Variants in PPM1B observed in about 807,000 individuals in gnomAD.
PPM1B encodes the protein protein phosphatase 1B.
PPM1B carries 22 observed loss-of-function variants against 43.0 expected under a neutral mutation model. The observed-to-expected ratio is 0.51, with a 90% confidence interval of 0.37 to 0.73. The LOEUF (loss-of-function observed/expected upper bound fraction) is 0.73. Ranked by LOEUF, PPM1B falls within the 30% of genes least tolerant of loss-of-function variation. The pLI is 0.00. For missense variants in PPM1B, 632 were observed against 584.2 expected (o/e 1.08, Z -0.84); for synonymous variants, 217 against 197.9 (o/e 1.10, Z -0.81).
chr2:44,174,860 G>T (rs1667507569), intron 1 of PPM1B, among the ~76,000 whole-genome samples: 1 of 152,160 alleles, frequency 6.6e-6, no homozygotes, highest in Non-Finnish European at 1.5e-5. Flanking sequence ...AACCTATTTG[G>T]GCAGTGTTTT....
chr2:44,240,077 A>G (rs1239714847), intron 5 of PPM1B, among the ~76,000 whole-genome samples: 1 of 145,404 alleles, frequency 6.9e-6, no homozygotes, highest in Non-Finnish European at 1.5e-5. Context: ...GTGGCACCAT[A>G]GCGCACTGCA....
At chr2:44,246,834 G>T (rs10460534), downstream of PPM1B, among the ~76,000 whole-genome samples, 25,408 of 151,966 alleles carry the variant, frequency 0.17, 2,249 homozygotes, top group East Asian at 0.26. Flanking sequence ...CTGATTTCTT[G>T]GTTTTGTTTT....
downstream of PPM1B, among the ~76,000 whole-genome samples, chr2:44,235,107 G>C (rs72800990): frequency 6.4e-4 from 98 of 152,278 alleles, no homozygotes; most frequent in Middle Eastern, 6.8e-3. Flanking sequence ...TTGAAGATTG[G>C]TTGCAATGTG....
chr2:44,231,627 A>G (rs183000797), downstream of PPM1B, among the ~76,000 whole-genome samples: 497 of 152,254 alleles, frequency 3.3e-3, no homozygotes, highest in African/African-American at 0.012. Flanking sequence ...GTTTAATATT[A>G]AAATATATGT....
intron 5 of PPM1B, among the ~76,000 whole-genome samples, chr2:44,229,323 G>A (rs1017649045): frequency 6.6e-6 from 1 of 151,798 alleles, no homozygotes; most frequent in Non-Finnish European, 1.5e-5. Context: ...GTATAATATT[G>A]AATATCAAGT....
At chr2:44,216,654 G>A (rs943043256) in intron 3 of PPM1B, among the ~76,000 whole-genome samples, 22 of 152,194 alleles carry the variant, frequency 1.4e-4, no homozygotes, top group East Asian at 3.8e-4. Flanking sequence ...ATAGCTGGGC[G>A]TGGTGGCTCA....
chr2:44,213,569 C>T (rs1050260932), intron 3 of PPM1B: 11 of 152,198 alleles, frequency 7.2e-5, no homozygotes, highest in African/African-American at 2.6e-4. Flanking sequence ...GAGTCTTTTG[C>T]AAATTTGGAG....
At chr2:44,215,571 A>G (rs1212327559) in intron 3 of PPM1B, among the ~76,000 whole-genome samples, 1 of 152,208 alleles carries the variant, frequency 6.6e-6, no homozygotes, top group Non-Finnish European at 1.5e-5. Context: ...TGGTAAATAC[A>G]TTCTGGTGTA....
chr2:44,193,732 C>T (rs374038337), intron 1 of PPM1B, among the ~76,000 whole-genome samples: 25 of 152,148 alleles, frequency 1.6e-4, no homozygotes, highest in African/African-American at 5.8e-4. Context: ...GCACGTGCCA[C>T]CATGCCCGGC....
chr2:44,222,652 C>G (rs897024007), intron 5 of PPM1B, among the ~76,000 whole-genome samples: 2 of 152,086 alleles, frequency 1.3e-5, no homozygotes, highest in African/African-American at 4.8e-5. Context: ...GCACAGGTCA[C>G]AAAGCTAAAT....
At chr2:44,226,581 T>C in intron 5 of PPM1B, among the ~76,000 whole-genome samples, 1 of 152,188 alleles carries the variant, frequency 6.6e-6, no homozygotes, top group Non-Finnish European at 1.5e-5. Context: ...CTGTGTATTT[T>C]GAAATGGAAC....
rs762270626 is a variant in PPM1B, at chr2:44,201,606, G to T, written c.407G>T (p.Gly136Val). ...GACAGGAGTGGTTCAACTGCAGTGG[G>T]AGTTATGATTTCACCTAAGCATATC... ...GMDRSGSTAV[G>V]VMISPKHIYF... The change falls in exon 2 of 6, where the codon GGA (glycine) becomes GTA (valine). Residue 136 changes from glycine (G) to valine (V), a missense_variant. Coordinates refer to ENST00000282412, the MANE Select transcript of PPM1B (RefSeq NM_002706.6). This position sits in a 1 kb window ranked among gnomAD's most constrained non-coding sequence, Gnocchi z 5.4. The T allele has an allele frequency of 6.2e-7, 1 of 1,614,204 alleles. No individual in the cohort carries two copies. Among genetic ancestry groups the T allele is most frequent in the East Asian group, 2.2e-5 (1 of 44,890 alleles).
chr2:44,190,273 G>A (rs1017200411), intron 1 of PPM1B, among the ~76,000 whole-genome samples: 2 of 150,758 alleles, frequency 1.3e-5, no homozygotes, highest in African/African-American at 4.9e-5. Flanking sequence ...TCCTGCCTCA[G>A]CCTCTCGAGT....
At chr2:44,186,799 C>T (rs997356395) in intron 1 of PPM1B, among the ~76,000 whole-genome samples, 3 of 152,220 alleles carry the variant, frequency 2.0e-5, no homozygotes, top group African/African-American at 2.4e-5. Context: ...TGAGAAGTCT[C>T]GTGCTATTTG....
intron 2 of PPM1B, among the ~76,000 whole-genome samples, chr2:44,207,690 C>T (rs1669252937): frequency 6.6e-6 from 1 of 151,704 alleles, no homozygotes; most frequent in South Asian, 2.1e-4. Context: ...ATCCTTCCAC[C>T]TTAGCCTCCC....
chr2:44,201,931 G>T lies in PPM1B; in HGVS notation c.732G>T (p.Gly244=). 1 of 1,614,130 alleles carries T rather than the reference G, an allele frequency of 6.2e-7. No individual in the cohort carries two copies. The highest frequency in any genetic ancestry group is 1.1e-5 in the South Asian group (1 of 91,084). The change falls in exon 2 of 6, where the codon GGG becomes GGT. Residue 244 remains glycine (G), a synonymous_variant. Transcript: ENST00000282412. This position sits in a 1 kb window ranked among gnomAD's most constrained non-coding sequence, Gnocchi z 5.4. ...AATTTATCATCTTGGCTTGTGATGG[G>T]ATCTGGGATGTTATGAGTAATGAGG... The part of the protein sequence containing the change: ...EDEFIILACD[G]IWDVMSNEEL...
chr2:44,222,312 A>G (rs1380688865), intron 5 of PPM1B, among the ~76,000 whole-genome samples: 1 of 152,126 alleles, frequency 6.6e-6, no homozygotes, highest in African/African-American at 2.4e-5. Flanking sequence ...CATTTCTAGT[A>G]ATTTTCTTAA....
At chr2:44,182,346 G>C (rs1667914625) in intron 1 of PPM1B, among the ~76,000 whole-genome samples, 1 of 151,912 alleles carries the variant, frequency 6.6e-6, no homozygotes, top group Admixed American at 6.6e-5. Context: ...CGCCACCTCC[G>C]CCTCCTGGGT....
intron 5 of PPM1B, among the ~76,000 whole-genome samples, chr2:44,243,198 A>G (rs1400065139): frequency 6.6e-6 from 1 of 152,240 alleles, no homozygotes; most frequent in Admixed American, 6.5e-5. Context: ...GAGGGCTAAG[A>G]TGCTCAGAGC....
Sources: allele counts gnomAD v4.1 joint callset (sites outside exome capture counted in the v4.1 genomes callset), GRCh38; gene constraint gnomAD v4.1.1; non-coding constraint Gnocchi (gnomAD v3.1); transcripts MANE v1.5; gene names NCBI Gene and HGNC (gene_info 2026-07-23, HGNC 2026-07-21).